RNF19A: variants seen among roughly 807,000 people sequenced by gnomAD.
RNF19A encodes E3 ubiquitin-protein ligase RNF19A.
Under a neutral mutation model 75.7 loss-of-function variants are expected in RNF19A, and 32 were observed. The observed-to-expected ratio is 0.42, with a 90% CI of 0.32 to 0.57. The LOEUF is 0.57. Ranked by LOEUF, RNF19A falls within the 20% of genes least tolerant of loss-of-function variation. RNF19A has a pLI of 0.10. For synonymous variants in RNF19A, 335 were observed against 345.2 expected (o/e 0.97, Z 0.33); for missense variants, 782 against 1,036.3 (o/e 0.75, Z 3.37).
intron 1 of RNF19A, chr8:100,309,485 G>A (rs1275072619): frequency 1.0e-6 from 1 of 985,488 alleles, no homozygotes; most frequent in Non-Finnish European, 1.2e-6. Flanking sequence ...CCGCTTTAGG[G>A]GCAGGAGACA....
chr8:100,313,344 G>A (rs1252831865), upstream of RNF19A: 5 of 982,562 alleles, frequency 5.1e-6, no homozygotes, highest in East Asian at 2.3e-4. Context: ...TCAAACTAAC[G>A]TCAATTCTTC....
In RNF19A at chr8:100,324,728, A is replaced by G. The variant is rs909064349; in HGVS notation, c.-242-11356T>C. ...ATTCAAAATAAATAAACAGAACTTCATGACAAGACATTTTAACAAGAGATG... is the reference window on the plus strand; with the variant it reads ...ATTCAAAATAAATAAACAGAACTTCGTGACAAGACATTTTAACAAGAGATG... On this transcript the variant is annotated intron_variant, in intron 1 of 3. Coordinates refer to the RNF19A transcript ENST00000519527. The surrounding 1 kb of genome is among the most constrained non-coding windows in gnomAD (Gnocchi z 4.2). 1.3e-5 allele frequency among the ~76,000 whole-genome samples: 2 copies of G among 152,248 alleles called. No homozygotes were observed. Among genetic ancestry groups the G allele is most frequent in the East Asian group, 3.8e-4 (2 of 5,204 alleles).
At chr8:100,299,048 G>C (rs1217723102) in intron 1 of RNF19A, among the ~76,000 whole-genome samples, 3 of 152,190 alleles carry the variant, frequency 2.0e-5, no homozygotes, top group African/African-American at 7.2e-5. Flanking sequence ...TAATTTGAAT[G>C]CTGCATATCC....
chr8:100,292,403 T>C (rs959174790), intron 1 of RNF19A, among the ~76,000 whole-genome samples: 1 of 150,924 alleles, frequency 6.6e-6, no homozygotes. Context: ...TAAGACATAG[T>C]TCTATTTAAT....
Position 100,264,237 on chromosome 8 carries a change from A to G in RNF19A, c.1307-42T>C. ...TCAGTCATTACAAACAACAACAACA[A>G]AATAACTCACAGAAACATGAGTTTT... On this transcript the variant is annotated intron_variant, in intron 6 of 9. Transcript: ENST00000341084. The surrounding 1 kb of genome is among the most constrained non-coding windows in gnomAD (Gnocchi z 4.7). 1 of 1,495,852 alleles carries G rather than the reference A, an allele frequency of 6.7e-7. No homozygotes were observed. Among genetic ancestry groups the G allele is most frequent in the Non-Finnish European group, 9.2e-7 (1 of 1,092,526 alleles). The allele number at this position is 1,495,852 out of a possible 1,614,324, so 92.7% of individuals were successfully genotyped here. A position where few individuals can be genotyped will look rare whatever the true frequency, so the allele number is the denominator to read the frequency against.
chr8:100,276,566 A>G (rs2129734524), intron 2 of RNF19A, among the ~76,000 whole-genome samples: 1 of 152,160 alleles, frequency 6.6e-6, no homozygotes, highest in African/African-American at 2.4e-5. Flanking sequence ...AGCCTGGTCA[A>G]CATGGCAAAA....
At chr8:100,297,397 T>C (rs1586667442) in intron 1 of RNF19A, among the ~76,000 whole-genome samples, 1 of 152,288 alleles carries the variant, frequency 6.6e-6, no homozygotes, top group Non-Finnish European at 1.5e-5. Flanking sequence ...ATGGGGAAAA[T>C]ACTATTGTGG....
chr8:100,287,057 G>A lies in RNF19A; in HGVS notation c.674+444C>T, dbSNP rs1455451410. Among the ~76,000 whole-genome samples the A allele has an allele frequency of 1.3e-5, 2 of 151,842 alleles. No individual in the cohort carries two copies. The highest frequency in any genetic ancestry group is 4.8e-5 in the African/African-American group (2 of 41,326). On this transcript the variant is annotated intron_variant, in intron 2 of 9. Transcript: ENST00000341084. This position sits in a 1 kb window ranked among gnomAD's most constrained non-coding sequence, Gnocchi z 4.1. Reference sequence around the variant, plus strand: ...CATACTGTGGCACATGCTAAGGTAGGTACCTTTCAAAAGGGCCATTTATCT... The same window carrying A: ...CATACTGTGGCACATGCTAAGGTAGATACCTTTCAAAAGGGCCATTTATCT...
At chr8:100,314,423 T>G (rs1822344265), upstream of RNF19A, among the ~76,000 whole-genome samples, 1 of 152,164 alleles carries the variant, frequency 6.6e-6, no homozygotes, top group South Asian at 2.1e-4. The surrounding 1 kb of genome is among the most constrained non-coding windows in gnomAD (Gnocchi z 4.1). Flanking sequence ...CGTAGCTAAG[T>G]GGCAGAGCTG....
Position 100,259,859 on chromosome 8 carries a change from C to A in RNF19A, c.1821G>T (p.Leu607Phe). 1 of 1,609,644 alleles carries A rather than the reference C, an allele frequency of 6.2e-7. No individual in the cohort carries two copies. The highest frequency in any genetic ancestry group is 8.5e-7 in the Non-Finnish European group (1 of 1,178,370). Reference protein sequence around the residue: ...AGSILNSYIPLDKEGNSMEVQ... With the variant: ...AGSILNSYIPFDKEGNSMEVQ... The stretch of plus-strand genomic sequence containing the variant: ...TTTAACAGTTTTTTCCTTACTTGTC[C>A]AATGGGATGTAGGAATTCAGAATGG... The change falls in exon 9 of 10, where the codon TTG (leucine) becomes TTT (phenylalanine). Residue 607 changes from leucine (L) to phenylalanine (F), a missense_variant. Physicochemically the swap from Leu to Phe is conservative, Grantham distance 22 (BLOSUM62 0). Coordinates refer to ENST00000341084, the MANE Select transcript of RNF19A (RefSeq NM_183419.4). The surrounding 1 kb of genome is among the most constrained non-coding windows in gnomAD (Gnocchi z 4.5).
chr8:100,316,096 T>C (rs888719686), intron 1 of RNF19A, among the ~76,000 whole-genome samples: 71 of 152,088 alleles, frequency 4.7e-4, no homozygotes, highest in African/African-American at 1.4e-3. Context: ...TTCTTTCTGG[T>C]GGGTTCGTGG....
upstream of RNF19A, chr8:100,310,076 C>A (rs1822242374): frequency 1.0e-6 from 1 of 985,446 alleles, no homozygotes; most frequent in Admixed American, 6.1e-5. Context: ...ACGGCTGCTC[C>A]CGGGAACCAG....
At chr8:100,302,916 A>G (rs955586491) in intron 1 of RNF19A, among the ~76,000 whole-genome samples, 20 of 152,242 alleles carry the variant, frequency 1.3e-4, no homozygotes, top group Non-Finnish European at 2.1e-4. Flanking sequence ...AATGTATCTT[A>G]TAAGATATAA....
At chr8:100,310,294 C>T (rs991813663), upstream of RNF19A, 4 of 964,316 alleles carry the variant, frequency 4.1e-6, no homozygotes, top group African/African-American at 3.5e-5. Flanking sequence ...AGGAGCCGCC[C>T]CGCTGCACCC....
chr8:100,306,898 T>A (rs1822083859), intron 1 of RNF19A, among the ~76,000 whole-genome samples: 2 of 152,200 alleles, frequency 1.3e-5, no homozygotes, highest in South Asian at 4.1e-4. Flanking sequence ...AAAATTTAGC[T>A]ATTCTCCGTA....
At chr8:100,280,336 T>G (rs1820723053) in intron 2 of RNF19A, among the ~76,000 whole-genome samples, 1 of 152,128 alleles carries the variant, frequency 6.6e-6, no homozygotes, top group African/African-American at 2.4e-5. Context: ...AAAATAAGAT[T>G]ATACATATGT....
At chr8:100,291,481 T>C (rs899340723) in intron 1 of RNF19A, among the ~76,000 whole-genome samples, 1 of 152,210 alleles carries the variant, frequency 6.6e-6, no homozygotes, top group African/African-American at 2.4e-5. Context: ...TCGTAAAACA[T>C]GTTAAGTATC....
At chr8:100,267,426 G>A (rs1390952188) in intron 5 of RNF19A, among the ~76,000 whole-genome samples, 1 of 152,070 alleles carries the variant, frequency 6.6e-6, no homozygotes, top group African/African-American at 2.4e-5. Context: ...CTGGAGTGAA[G>A]TGGCACAATC....
In RNF19A at chr8:100,269,998, G is replaced by A. The variant is rs1820177211; in HGVS notation, c.899C>T (p.Pro300Leu). 9 of 1,591,506 alleles carry A rather than the reference G, an allele frequency of 5.7e-6. No individual in the cohort carries two copies. Among genetic ancestry groups the A allele is most frequent in the Non-Finnish European group, 7.7e-6 (9 of 1,170,036 alleles). ...ESGAAADDIK[P>L]CPRCAAYIIK... ...TATATAAGCAGCACATCGTGGACAT[G>A]GCTTTATATCATCAGCTATTGGGAA... is the stretch of plus-strand genomic sequence containing the variant. Residue 300 changes from proline (P) to leucine (L), a missense_variant, in exon 4 of 10, where the codon CCA becomes CTA. Physicochemically the swap from Pro to Leu is moderately conservative, Grantham distance 98. This residue lies in a region of RNF19A where 31 missense variants were observed against 48.8 expected (regional missense o/e 0.64). Coordinates refer to ENST00000341084, the MANE Select transcript of RNF19A (RefSeq NM_183419.4). This position sits in a 1 kb window ranked among gnomAD's most constrained non-coding sequence, Gnocchi z 5.7.
Sources: gnomAD v4.1 joint callset for allele counts (sites outside exome capture counted in the v4.1 genomes callset) on GRCh38, gnomAD v4.1.1 for gene constraint, gnomAD v4.1.1 regional missense constraint, Gnocchi (gnomAD v3.1) non-coding constraint, MANE v1.5 for transcripts, NCBI Gene and HGNC (gene_info 2026-07-23, HGNC 2026-07-21) for gene names.